SLC17A7: variants seen among roughly 807,000 people sequenced by gnomAD.
The protein encoded by SLC17A7 is vesicular glutamate transporter 1.
A neutral mutation model predicts 59.1 loss-of-function variants in SLC17A7; 15 were observed. The ratio of observed to expected loss-of-function variants is 0.25; its 90% CI spans 0.17 to 0.39. The LOEUF (loss-of-function observed/expected upper bound fraction) is 0.39, where lower values mean the gene tolerates loss of function less well. SLC17A7 is among the 10% of genes least tolerant of loss of function. SLC17A7 has a pLI of 1.00. For missense variants in SLC17A7, 499 were observed against 765.1 expected, an observed-to-expected ratio of 0.65 and a Z score of 4.10; for synonymous variants, 353 against 308.9, an observed-to-expected ratio of 1.14 and a Z score of -1.50.
rs777705719 is a variant in SLC17A7 at position 49,434,587 on chromosome 19, C to A, written c.637+15G>T. On this transcript the variant is annotated intron_variant, in intron 5 of 11. Coordinates refer to ENST00000221485, the MANE Select transcript of SLC17A7 (RefSeq NM_020309.4). ...CTCCCTCAGATTCAGGAGTGAGGATCCCTCTTCCTCTCACCACAAAAGGCT... is the reference window on the plus strand; with the variant it reads ...CTCCCTCAGATTCAGGAGTGAGGATACCTCTTCCTCTCACCACAAAAGGCT... The A allele has an allele frequency of 6.3e-7, 1 of 1,590,400 alleles. No homozygotes were observed. Among genetic ancestry groups the A allele is most frequent in the South Asian group, 1.1e-5 (1 of 87,806 alleles).
rs919699130 is a variant in SLC17A7, at chr19:49,431,048, G to A, written c.1356C>T (p.Cys452=). 6.2e-7 allele frequency: 1 copy of A among 1,613,152 alleles called. No individual in the cohort carries two copies. Among genetic ancestry groups the A allele is most frequent in the Non-Finnish European group, 8.5e-7 (1 of 1,179,788 alleles). Residue 452 remains cysteine, a synonymous_variant, in exon 11 of 12, where the codon TGC becomes TGT. Coordinates refer to ENST00000221485, the MANE Select transcript of SLC17A7 (RefSeq NM_020309.4). This position sits in a 1 kb window ranked among gnomAD's most constrained non-coding sequence, Gnocchi z 4.6. ...NGVGTLSGMV[C]PIIVGAMTKH... ...TAGTCATGGCCCCCACGATGATGGG[G>A]CACACCATGCCCGACAGTGTGCCCA...
In SLC17A7 at chr19:49,436,940, G is replaced by A. The variant is rs2078982171; in HGVS notation, c.63-139C>T. The A allele has an allele frequency of 2.3e-6, 3 of 1,302,248 alleles. No individual in the cohort carries two copies. The East Asian group carries it at 7.6e-5, about 33-fold the overall frequency. 80.7% of individuals were successfully genotyped at this position (1,302,248 alleles called of 1,614,324 possible). ...ACCTCCTCCTTCACCAAGAGTCCAG[G>A]TCCCTGGCTCCCTTCGCCCCCCTGA... On this transcript the variant is annotated intron_variant, in intron 1 of 11. Transcript: ENST00000221485. This position sits in a 1 kb window ranked among gnomAD's most constrained non-coding sequence, Gnocchi z 4.1.
chr19:49,441,231 CGTTCATCTGT>C, intron 1 of SLC17A7, 77 bp downstream of exon 1: 1 of 1,546,614 alleles, frequency 6.5e-7, no homozygotes, highest in Non-Finnish European at 8.7e-7. Context: ...GGGTATCGCC[CGTTCATCTGT>C]CAGTCTGCGC....
chr19:49,431,516 C>A lies in SLC17A7; in HGVS notation c.1151-68G>T, dbSNP rs1053595412. On this transcript the variant is annotated intron_variant, in intron 9 of 11. Transcript: ENST00000221485. The surrounding 1 kb of genome is among the most constrained non-coding windows in gnomAD (Gnocchi z 4.6). ...GAGCAAGGCGCAGGCTGCCCCACACCGCCCTTCCAGACCTGCTCCAGCCCC... is the reference window on the plus strand; with the variant it reads ...GAGCAAGGCGCAGGCTGCCCCACACAGCCCTTCCAGACCTGCTCCAGCCCC... The A allele has an allele frequency of 1.0e-4, 138 of 1,353,458 alleles. 1 individual carries two copies. Among genetic ancestry groups the A allele is most frequent in the Middle Eastern group, 4.8e-4 (2 of 4,140 alleles). The allele number at this position is 1,353,458 out of a possible 1,614,324, so 83.8% of individuals were successfully genotyped here.
rs753340405 is a variant in SLC17A7, at chr19:49,431,467, C to T, written c.1151-19G>A. The T allele has an allele frequency of 2.5e-6, 4 of 1,602,078 alleles. No homozygotes were observed. The South Asian group carries it at 4.4e-5, about 18-fold the overall frequency. On this transcript the variant is annotated intron_variant, in intron 9 of 11. Coordinates refer to ENST00000221485, the MANE Select transcript of SLC17A7 (RefSeq NM_020309.4). This position sits in a 1 kb window ranked among gnomAD's most constrained non-coding sequence, Gnocchi z 4.6. ...CCGAAGCCTACGGGGGCGGGGGGGG[C>T]CCGCGTCTCCTGAGTGTCGGCCGGA...
rs1343719265 is a variant in SLC17A7, at chr19:49,430,562, G to A, written c.1640C>T (p.Thr547Ile). The A allele has an allele frequency of 6.2e-7, 1 of 1,606,478 alleles. No homozygotes were observed. The highest frequency in any genetic ancestry group is 1.3e-5 in the African/African-American group (1 of 74,700). The change falls in exon 12 of 12, where the codon ACA (threonine) becomes ATA (isoleucine). Residue 547 changes from threonine (T) to isoleucine (I), a missense_variant. Physicochemically the swap from Thr to Ile is moderately conservative, Grantham distance 89 (BLOSUM62 -1). Transcript: ENST00000221485. The part of the protein sequence containing the change: ...PPPSYGATHS[T>I]FQPPRPPPPV... ...GGGTGGGGGCCTGGGGGGCTGAAATGTGCTGTGTGTGGCCCCATAGGAGGG... is the reference window on the plus strand; with the variant it reads ...GGGTGGGGGCCTGGGGGGCTGAAATATGCTGTGTGTGGCCCCATAGGAGGG...
Position 49,429,828 on chromosome 19 carries a change from A to G in SLC17A7, c.*691T>C, listed in dbSNP as rs1460744195. ...TCAGAAAAAGTGCACGGGGGTAGAG[A>G]GGCATATTGTTAAAATTGCGATTTT... On this transcript the variant is annotated 3_prime_UTR_variant, in exon 12 of 12. Transcript: ENST00000221485. 1 of 364,096 alleles carries G rather than the reference A, an allele frequency of 2.7e-6. No individual in the cohort carries two copies. The highest frequency in any genetic ancestry group is 4.9e-6 in the Non-Finnish European group (1 of 204,320). The allele number at this position is 364,096 out of a possible 1,614,324, so 22.6% of individuals were successfully genotyped here.
chr19:49,431,681 CT>C lies in SLC17A7; in HGVS notation c.1151-234del, dbSNP rs1017280270. On this transcript the variant is annotated intron_variant, in intron 9 of 11. Transcript: ENST00000221485. The surrounding 1 kb of genome is among the most constrained non-coding windows in gnomAD (Gnocchi z 4.6). The stretch of plus-strand genomic sequence containing the variant: ...ACCACGCCCACCAGCTCCATCGCCC[CT>C]CCCGTAGCTCCACCCCTTGACTAGG... Among the ~76,000 whole-genome samples, 9 of 152,198 alleles carry C rather than the reference CT, an allele frequency of 5.9e-5. No individual in the cohort carries two copies. Among genetic ancestry groups the C allele is most frequent in the African/African-American group, 1.9e-4 (8 of 41,440 alleles).
At chr19:49,440,999 A>T (rs1344742887) in intron 1 of SLC17A7, among the ~76,000 whole-genome samples, 1 of 151,068 alleles carries the variant, frequency 6.6e-6, no homozygotes, top group African/African-American at 2.4e-5. Context: ...CAGAGAGAAA[A>T]GGGGCAGAGA....
At chr19:49,439,252 C>G (rs1401330037) in intron 1 of SLC17A7, among the ~76,000 whole-genome samples, 3 of 152,180 alleles carry the variant, frequency 2.0e-5, no homozygotes, top group African/African-American at 7.2e-5. Flanking sequence ...CCTCTGCTCT[C>G]TCTTCTCTTC....
chr19:49,436,461 G>A lies in SLC17A7; in HGVS notation c.315+88C>T. ...GTTTCGGAAGGGGCGTGGCCTGGAC[G>A]TCTGGTGGGTGAGTGTGACGTCATG... is the stretch of plus-strand genomic sequence containing the variant. On this transcript the variant is annotated intron_variant, in intron 2 of 11. Transcript: ENST00000221485. The surrounding 1 kb of genome is among the most constrained non-coding windows in gnomAD (Gnocchi z 4.1). 4 of 1,523,228 alleles carry A rather than the reference G, an allele frequency of 2.6e-6. No homozygotes were observed. In the South Asian group the frequency reaches 4.8e-5, roughly 18 times the overall value. The allele number at this position is 1,523,228 out of a possible 1,614,324, so 94.4% of individuals were successfully genotyped here.
At position 49,432,549 on chromosome 19, in the gene SLC17A7, T is replaced by C; in HGVS notation, c.1120A>G (p.Thr374Ala). ...FLRSRRIMST[T>A]NVRKLMNCGG... is the part of the protein sequence containing the mutation. Reference sequence around the variant, plus strand: ...CAGTTCATCAACTTGCGCACGTTGGTGGTGGACATGATGCGGCGGCTCCGC... The same window carrying C: ...CAGTTCATCAACTTGCGCACGTTGGCGGTGGACATGATGCGGCGGCTCCGC... Residue 374 changes from threonine to alanine, a missense_variant, in exon 9 of 12, where the codon ACC becomes GCC. Transcript: ENST00000221485. 1 of 1,613,600 alleles carries C rather than the reference T, an allele frequency of 6.2e-7. No individual in the cohort carries two copies. Among genetic ancestry groups the C allele is most frequent in the Non-Finnish European group, 8.5e-7 (1 of 1,179,816 alleles).
At position 49,431,163 on chromosome 19, in the gene SLC17A7, A is replaced by T; in HGVS notation, c.1262-21T>A. 6.2e-7 allele frequency: 1 copy of T among 1,608,324 alleles called. No homozygotes were observed. The highest frequency in any genetic ancestry group is 8.5e-7 in the Non-Finnish European group (1 of 1,176,606). ...GAACCCTGGCGGAGAGACAAGTCGGAAGGCGTCACACCGGAATCTCACTCG... is the reference window on the plus strand; with the variant it reads ...GAACCCTGGCGGAGAGACAAGTCGGTAGGCGTCACACCGGAATCTCACTCG... On this transcript the variant is annotated intron_variant, in intron 10 of 11. Transcript: ENST00000221485. The surrounding 1 kb of genome is among the most constrained non-coding windows in gnomAD (Gnocchi z 4.6).
Position 49,430,306 on chromosome 19 carries a change from T to G in SLC17A7, c.*213A>C. The G allele has an allele frequency of 2.1e-6, 1 of 482,008 alleles. No homozygotes were observed. Among genetic ancestry groups the G allele is most frequent in the Non-Finnish European group, 3.6e-6 (1 of 274,216 alleles). 29.9% of individuals were successfully genotyped at this position (482,008 alleles called of 1,614,324 possible). A position where few individuals can be genotyped will look rare whatever the true frequency, so the allele number is the denominator to read the frequency against. On this transcript the variant is annotated 3_prime_UTR_variant, in exon 12 of 12. Coordinates refer to ENST00000221485, the MANE Select transcript of SLC17A7 (RefSeq NM_020309.4). ...GGTGGAGAGGGAACCTTTAGGGGAA[T>G]TTGGGTATCCTTGAAACTGTCAGTC...
In SLC17A7 at chr19:49,431,003, T is replaced by C; in HGVS notation, c.1389+12A>G. The C allele has an allele frequency of 6.2e-7, 1 of 1,601,292 alleles. No homozygotes were observed. Among genetic ancestry groups the C allele is most frequent in the Non-Finnish European group, 8.5e-7 (1 of 1,172,324 alleles). On this transcript the variant is annotated intron_variant, in intron 11 of 11. Transcript: ENST00000221485. The surrounding 1 kb of genome is among the most constrained non-coding windows in gnomAD (Gnocchi z 4.6). ...ACTTGGAGGCAGACTGAGTCAGGAC[T>C]GCGGCACCCACCTTGTGCTTAGTCA...
chr19:49,439,297 G>A (rs2078991076), intron 1 of SLC17A7, among the ~76,000 whole-genome samples: 3 of 152,256 alleles, frequency 2.0e-5, no homozygotes, highest in African/African-American at 7.2e-5. Context: ...GGCTCGGGGA[G>A]CTGAAGTGGC....
rs1438992147 is a variant in SLC17A7 at position 49,432,865 on chromosome 19, C to T, written c.963G>A (p.Leu321=). Residue 321 remains leucine, a synonymous_variant, in exon 8 of 12, where the codon CTG becomes CTA. Coordinates refer to ENST00000221485, the MANE Select transcript of SLC17A7 (RefSeq NM_020309.4). The stretch of plus-strand genomic sequence containing the variant: ...CGAAGTAGGCGGGCTGGGAGATGAG[C>T]AGCAGGTAGAACGTCCAGCTGCGGC... The part of the protein sequence containing the change: ...NFCRSWTFYL[L]LISQPAYFEE... 1 of 1,594,392 alleles carries T rather than the reference C, an allele frequency of 6.3e-7. No homozygotes were observed. Among genetic ancestry groups the T allele is most frequent in the Non-Finnish European group, 8.5e-7 (1 of 1,170,344 alleles).
In SLC17A7 at chr19:49,433,319, T is replaced by C. The variant is rs2078967973; in HGVS notation, c.868-359A>G. ...CATGTTGCCCAAGCTGGTCTGGAACTCCTGGGCTCAAGCGATCCTGCAGCC... is the reference window on the plus strand; with the variant it reads ...CATGTTGCCCAAGCTGGTCTGGAACCCCTGGGCTCAAGCGATCCTGCAGCC... On this transcript the variant is annotated intron_variant, in intron 7 of 11. Transcript: ENST00000221485. This position sits in a 1 kb window ranked among gnomAD's most constrained non-coding sequence, Gnocchi z 5.7. The C allele has an allele frequency of 2.4e-6, 1 of 409,150 alleles. No homozygotes were observed. The highest frequency in any genetic ancestry group is 4.5e-6 in the Non-Finnish European group (1 of 222,818). 25.3% of individuals were successfully genotyped at this position (409,150 alleles called of 1,614,324 possible). A position where few individuals can be genotyped will look rare whatever the true frequency, so the allele number is the denominator to read the frequency against.
Position 49,431,579 on chromosome 19 carries a change from G to A in SLC17A7, c.1151-131C>T. The A allele has an allele frequency of 1.4e-6, 1 of 696,184 alleles. No individual in the cohort carries two copies. The highest frequency in any genetic ancestry group is 4.0e-4 in the Middle Eastern group (1 of 2,506). The allele number at this position is 696,184 out of a possible 1,614,324, so 43.1% of individuals were successfully genotyped here. A position where few individuals can be genotyped will look rare whatever the true frequency, so the allele number is the denominator to read the frequency against. On this transcript the variant is annotated intron_variant, in intron 9 of 11. Coordinates refer to ENST00000221485, the MANE Select transcript of SLC17A7 (RefSeq NM_020309.4). The surrounding 1 kb of genome is among the most constrained non-coding windows in gnomAD (Gnocchi z 4.6). ...TCCACCCCAGTCTGGCCACCTCCAC[G>A]CCCAGGCCTCTTCGCGCCCTCCACG... is the stretch of plus-strand genomic sequence containing the variant.
Sources: gnomAD v4.1 joint callset for allele counts (sites outside exome capture counted in the v4.1 genomes callset) on GRCh38, gnomAD v4.1.1 for gene constraint, Gnocchi (gnomAD v3.1) non-coding constraint, MANE v1.5 for transcripts, NCBI Gene and HGNC (gene_info 2026-07-23, HGNC 2026-07-21) for gene names.